AKAP8: variants seen among roughly 807,000 people sequenced by gnomAD.
AKAP8 encodes the protein A-kinase anchor protein 8.
A neutral mutation model predicts 67.5 loss-of-function variants in AKAP8; 24 were observed. The ratio of observed to expected loss-of-function variants is 0.36; its 90% CI spans 0.26 to 0.50. AKAP8 has a LOEUF of 0.50. AKAP8 is among the 20% of genes least tolerant of loss of function. The pLI is 0.97. For synonymous variants in AKAP8, 400 were observed against 371.1 expected, an observed-to-expected ratio of 1.08 and a Z score of -0.90; for missense variants, 971 against 955.9, an observed-to-expected ratio of 1.02 and a Z score of -0.21.
chr19:15,373,735 C>G, intron 4 of AKAP8, 51 bp downstream of exon 4: 1 of 1,555,708 alleles, frequency 6.4e-7, no homozygotes, highest in Non-Finnish European at 8.7e-7. Flanking sequence ...CCCATGCGCA[C>G]AAAGGTGGGG....
chr19:15,373,295 G>A lies in AKAP8; in HGVS notation c.417C>T (p.Cys139=). ...QPFESYDSRP[C]LPEHNPYRPS... ...GGCGGTAGGGGTTGTGCTCCGGCAG[G>A]CAGGGCCTGGAGTCATAGGACTCGA... Residue 139 remains cysteine (C), a synonymous_variant, in exon 5 of 14, where the codon TGC becomes TGT. Transcript: ENST00000269701. 1 of 1,613,516 alleles carries A rather than the reference G, an allele frequency of 6.2e-7. No homozygotes were observed. Among genetic ancestry groups the A allele is most frequent in the African/African-American group, 1.3e-5 (1 of 75,062 alleles).
In AKAP8 at chr19:15,361,738, G is replaced by C. The variant is rs1450546468; in HGVS notation, c.1387C>G (p.Pro463Ala). The change falls in exon 11 of 14, where the codon CCT (proline) becomes GCT (alanine). Residue 463 changes from proline to alanine, a missense_variant. Pro to Ala is a conservative substitution (Grantham distance 27). Transcript: ENST00000269701. Reference protein sequence around the residue: ...EKETAKPKPDPFKGIGQEHFF... With the variant: ...EKETAKPKPDAFKGIGQEHFF... ...TGGGATGACAACTCACCTTTGAAAG[G>C]ATCTGGTTTTGGTTTTGCGGTTTCT... 7.4e-6 allele frequency: 12 copies of C among 1,612,004 alleles called. No homozygotes were observed. Among genetic ancestry groups the C allele is most frequent in the African/African-American group, 1.3e-5 (1 of 74,874 alleles).
chr19:15,358,940 C>G (rs763393755), intron 13 of AKAP8, 27 bp downstream of exon 13: 2 of 1,603,592 alleles, frequency 1.2e-6, no homozygotes, highest in African/African-American at 2.7e-5. Flanking sequence ...AAAGCTTTTC[C>G]TGTCTGTGGT....
At chr19:15,359,303 G>A (rs1248484504) in intron 12 of AKAP8, among the ~76,000 whole-genome samples, 1 of 152,240 alleles carries the variant, frequency 6.6e-6, no homozygotes, top group Non-Finnish European at 1.5e-5. Flanking sequence ...TGTAGCACAT[G>A]CAGAATTGGG....
chr19:15,364,987 T>C (rs1046803363), intron 9 of AKAP8, among the ~76,000 whole-genome samples: 1 of 152,154 alleles, frequency 6.6e-6, no homozygotes, highest in Non-Finnish European at 1.5e-5. Context: ...TTACCCAAAC[T>C]TCCCCAGCTG....
intron 8 of AKAP8, 108 bp from the exon 9 acceptor site, chr19:15,368,430 C>A (rs1967103833): frequency 5.7e-6 from 9 of 1,585,726 alleles, no homozygotes; most frequent in Non-Finnish European, 6.8e-6. Context: ...TGTGCCCTGC[C>A]ACTGCCTGCA....
rs1482076487 is a variant in AKAP8 at position 15,358,947 on chromosome 19, T to C, written c.1623+20A>G. On this transcript the variant is annotated intron_variant, in intron 13 of 13. Coordinates refer to ENST00000269701, the MANE Select transcript of AKAP8 (RefSeq NM_005858.4). ...CCCTTTTGAAAGCTTTTCCTGTCTG[T>C]GGTACTTGCAAGCACAAACCTTGAG... The C allele has an allele frequency of 3.7e-6, 6 of 1,608,530 alleles. No individual in the cohort carries two copies. The highest frequency in any genetic ancestry group is 5.1e-6 in the Non-Finnish European group (6 of 1,175,060).
At position 15,373,289 on chromosome 19, in the gene AKAP8, C is replaced by T. The variant is rs775676190; in HGVS notation, c.423G>A (p.Pro141=). 29 of 1,613,442 alleles carry T rather than the reference C, an allele frequency of 1.8e-5. No individual in the cohort carries two copies. The highest frequency in any genetic ancestry group is 3.3e-5 in the Admixed American group (2 of 59,968). The change falls in exon 5 of 14, where the codon CCG becomes CCA. Residue 141 remains proline (P), a synonymous_variant. Transcript: ENST00000269701. Reference sequence around the variant, plus strand: ...AGCTGGGGCGGTAGGGGTTGTGCTCCGGCAGGCAGGGCCTGGAGTCATAGG... The same window carrying T: ...AGCTGGGGCGGTAGGGGTTGTGCTCTGGCAGGCAGGGCCTGGAGTCATAGG... ...FESYDSRPCL[P]EHNPYRPSYS...
At position 15,372,900 on chromosome 19, in the gene AKAP8, A is replaced by G. The variant is rs1470776913; in HGVS notation, c.812T>C (p.Met271Thr). 1.3e-6 allele frequency: 2 copies of G among 1,514,880 alleles called. No homozygotes were observed. Among genetic ancestry groups the G allele is most frequent in the South Asian group, 1.3e-5 (1 of 75,244 alleles). 93.8% of individuals were successfully genotyped at this position (1,514,880 alleles called of 1,614,324 possible). ...CTGCGAGCGGCCACATCCGTAGGGC[A>G]TGGTGCTGTCATAGCCGCCCGCCCC... ...MQGAGGYDST[M>T]PYGCGRSQPR... The change falls in exon 5 of 14, where the codon ATG becomes ACG. Residue 271 changes from methionine (M) to threonine (T), a missense_variant. By Grantham distance (81) the Met-to-Thr change is moderately conservative (BLOSUM62 -1). Around this residue, in one of 3 missense-constraint regions of AKAP8, gnomAD observed 763 missense variants for 745.4 expected, o/e 1.02. Coordinates refer to ENST00000269701, the MANE Select transcript of AKAP8 (RefSeq NM_005858.4).
At chr19:15,363,391 T>G (rs1480283255) in intron 9 of AKAP8, among the ~76,000 whole-genome samples, 1 of 132,388 alleles carries the variant, frequency 7.6e-6, no homozygotes, top group Admixed American at 7.6e-5. Flanking sequence ...AGCCGCCCCG[T>G]CCGGGAAGTG....
intron 13 of AKAP8, among the ~76,000 whole-genome samples, chr19:15,358,030 A>G (rs958079736): frequency 2.6e-5 from 4 of 152,114 alleles, no homozygotes; most frequent in African/African-American, 9.7e-5. Flanking sequence ...CCTTTAATAG[A>G]TGGAACTGTC....
At position 15,372,925 on chromosome 19, in the gene AKAP8, C is replaced by A. The variant is rs754301101; in HGVS notation, c.787G>T (p.Gly263Trp). The change falls in exon 5 of 14, where the codon GGG becomes TGG. Residue 263 changes from glycine (G) to tryptophan (W), a missense_variant. By Grantham distance (184) the Gly-to-Trp change is radical. This residue lies in a region of AKAP8 where 763 missense variants were observed against 745.4 expected (regional missense o/e 1.02). Transcript: ENST00000269701. ...APDYGVMGMQ[G>W]AGGYDSTMPY... ...ATGGTGCTGTCATAGCCGCCCGCCC[C>A]CTGCATGCCCATCACGCCGTAGTCG... 6.6e-7 allele frequency: 1 copy of A among 1,524,934 alleles called. No individual in the cohort carries two copies. Among genetic ancestry groups the A allele is most frequent in the Non-Finnish European group, 8.8e-7 (1 of 1,137,296 alleles). 94.5% of individuals were successfully genotyped at this position (1,524,934 alleles called of 1,614,324 possible). A position where few individuals can be genotyped will look rare whatever the true frequency, so the allele number is the denominator to read the frequency against.
At position 15,362,113 on chromosome 19, in the gene AKAP8, G is replaced by A. The variant is rs771078259; in HGVS notation, c.1299C>T (p.Leu433=). The A allele has an allele frequency of 6.2e-6, 10 of 1,613,828 alleles. No individual in the cohort carries two copies. The highest frequency in any genetic ancestry group is 1.1e-5 in the South Asian group (1 of 91,084). Reference sequence around the variant, plus strand: ...ACGGGGCCCAGGTTTCCTTTACCTGGAGGAACTCCACGGTCTTGTCGGGCA... The same window carrying A: ...ACGGGGCCCAGGTTTCCTTTACCTGAAGGAACTCCACGGTCTTGTCGGGCA... The part of the protein sequence containing the change: ...TKLPDKTVEF[L]QEYIVNRNKK... The change falls in exon 10 of 14, where the codon CTC becomes CTT. Residue 433 remains leucine (L), a synonymous_variant. Transcript: ENST00000269701.
At chr19:15,367,356 G>A (rs773511363) in intron 9 of AKAP8, among the ~76,000 whole-genome samples, 13 of 152,142 alleles carry the variant, frequency 8.5e-5, no homozygotes, top group Admixed American at 2.6e-4. Flanking sequence ...GGTGAATCCC[G>A]ACCTCTACTA....
In AKAP8 at chr19:15,371,953, C is replaced by G; in HGVS notation, c.1037G>C (p.Gly346Ala). ...AAAAGGGCTGCCTGGTGGACTTACA[C>G]CCTTGAATTCTTCATCTCCTGAGCG... ...DFRSGDEEFK[G>A]EDELCDSGRQ... is the part of the protein sequence containing the mutation. Residue 346 changes from glycine to alanine, a missense_variant and splice_region_variant, in exon 7 of 14, where the codon GGT (glycine) becomes GCT (alanine). By Grantham distance (60) the Gly-to-Ala change is moderately conservative. Around this residue, in one of 3 missense-constraint regions of AKAP8, gnomAD observed 763 missense variants for 745.4 expected, o/e 1.02. Coordinates refer to ENST00000269701, the MANE Select transcript of AKAP8 (RefSeq NM_005858.4). The G allele has an allele frequency of 6.2e-7, 1 of 1,614,066 alleles. No individual in the cohort carries two copies. The highest frequency in any genetic ancestry group is 1.1e-5 in the South Asian group (1 of 91,048).
At chr19:15,370,275 C>T in intron 7 of AKAP8, 96 bp from the exon 8 acceptor site, 1 of 1,410,874 alleles carries the variant, frequency 7.1e-7, no homozygotes, top group Non-Finnish European at 1.0e-6. Context: ...TGGGCAGTCT[C>T]ACCCAAGACC....
intron 13 of AKAP8, among the ~76,000 whole-genome samples, chr19:15,357,325 A>T (rs1966897216): frequency 7.0e-6 from 1 of 141,906 alleles, no homozygotes; most frequent in Non-Finnish European, 1.5e-5. Context: ...GGTACTCAGG[A>T]GGCTGAGGCA....
rs1389598762 is a variant in AKAP8, at chr19:15,373,275, T to G, written c.437A>C (p.Tyr146Ser). Residue 146 changes from tyrosine (Y) to serine (S), a missense_variant, in exon 5 of 14, where the codon TAC (tyrosine) becomes TCC (serine). Physicochemically the swap from Tyr to Ser is moderately radical, Grantham distance 144. Around this residue, in one of 3 missense-constraint regions of AKAP8, gnomAD observed 763 missense variants for 745.4 expected, o/e 1.02. Coordinates refer to ENST00000269701, the MANE Select transcript of AKAP8 (RefSeq NM_005858.4). ...SRPCLPEHNP[Y>S]RPSYSYDYEF... The stretch of plus-strand genomic sequence containing the variant: ...ATAGTCGTAGCTGTAGCTGGGGCGG[T>G]AGGGGTTGTGCTCCGGCAGGCAGGG... 6.2e-7 allele frequency: 1 copy of G among 1,613,590 alleles called. No homozygotes were observed. The highest frequency in any genetic ancestry group is 1.3e-5 in the African/African-American group (1 of 74,896).
In AKAP8 at chr19:15,374,647, C is replaced by T. The variant is rs758374854; in HGVS notation, c.59-12G>A. 1 of 1,612,988 alleles carries T rather than the reference C, an allele frequency of 6.2e-7. No individual in the cohort carries two copies. Among genetic ancestry groups the T allele is most frequent in the South Asian group, 1.1e-5 (1 of 90,966 alleles). On this transcript the variant is annotated splice_polypyrimidine_tract_variant and intron_variant, in intron 2 of 13. Coordinates refer to ENST00000269701, the MANE Select transcript of AKAP8 (RefSeq NM_005858.4). Reference sequence around the variant, plus strand: ...AGTTCCATATGCACCTTAGGGGAAACAGAAACACACAAGAGCCCTGTTTGC... The same window carrying T: ...AGTTCCATATGCACCTTAGGGGAAATAGAAACACACAAGAGCCCTGTTTGC...
Sources: gnomAD v4.1 joint callset for allele counts (sites outside exome capture counted in the v4.1 genomes callset) on GRCh38, gnomAD v4.1.1 for gene constraint, gnomAD v4.1.1 regional missense constraint, MANE v1.5 for transcripts, NCBI Gene and HGNC (gene_info 2026-07-23, HGNC 2026-07-21) for gene names.